Variants in CYSRT1 observed in about 807,000 individuals in gnomAD.
CYSRT1 encodes the protein cysteine rich tail 1.
A neutral mutation model predicts 6.2 loss-of-function variants in CYSRT1; 7 were observed. The observed-to-expected ratio is 1.13, with a 90% CI of 0.64 to 2.13. The LOEUF (loss-of-function observed/expected upper bound fraction) is 2.13, where lower values mean the gene tolerates loss of function less well. Among genes scored for constraint, CYSRT1 ranks in the 30% most tolerant of loss-of-function variants. The pLI is 0.00. For missense variants in CYSRT1, 188 were observed against 196.4 expected, an observed-to-expected ratio of 0.96 and a Z score of 0.26; for synonymous variants, 75 against 83.1, an observed-to-expected ratio of 0.90 and a Z score of 0.53.
Position 137,226,139 on chromosome 9 carries a change from G to T in CYSRT1, c.*83G>T, listed in dbSNP as rs1301626758. The T allele has an allele frequency of 1.2e-5, 18 of 1,494,080 alleles. No homozygotes were observed. Among genetic ancestry groups the T allele is most frequent in the Non-Finnish European group, 1.5e-5 (17 of 1,111,720 alleles). 92.6% of individuals were successfully genotyped at this position (1,494,080 alleles called of 1,614,324 possible). A position where few individuals can be genotyped will look rare whatever the true frequency, so the allele number is the denominator to read the frequency against. The stretch of plus-strand genomic sequence containing the variant: ...GCCGGGACATGCCGGGACATGCGGG[G>T]TGGCTGTTGTCATGGGCGTCTGCCC... On this transcript the variant is annotated 3_prime_UTR_variant, in exon 2 of 2. Coordinates refer to ENST00000650725, the MANE Select transcript of CYSRT1 (RefSeq NM_199001.5).
In CYSRT1 at chr9:137,226,110, C is replaced by A; in HGVS notation, c.*54C>A. 6.5e-7 allele frequency: 1 copy of A among 1,527,594 alleles called. No homozygotes were observed. Among genetic ancestry groups the A allele is most frequent in the Non-Finnish European group, 8.8e-7 (1 of 1,131,766 alleles). 94.6% of individuals were successfully genotyped at this position (1,527,594 alleles called of 1,614,324 possible). On this transcript the variant is annotated 3_prime_UTR_variant, in exon 2 of 2. Coordinates refer to ENST00000650725, the MANE Select transcript of CYSRT1 (RefSeq NM_199001.5). Reference sequence around the variant, plus strand: ...CAGACTTCAGCAAATGTGGCTCACACAGTGCCGGGACATGCCGGGACATGC... The same window carrying A: ...CAGACTTCAGCAAATGTGGCTCACAAAGTGCCGGGACATGCCGGGACATGC...
Position 137,225,744 on chromosome 9 carries a change from G to T in CYSRT1, c.123G>T (p.Glu41Asp), listed in dbSNP as rs776805165. The change falls in exon 2 of 2, where the codon GAG becomes GAT. Residue 41 changes from glutamate to aspartate, a missense_variant. Coordinates refer to ENST00000650725, the MANE Select transcript of CYSRT1 (RefSeq NM_199001.5). ...EVASTCSSSS[E>D]MQPLPVGPCA... The stretch of plus-strand genomic sequence containing the variant: ...CTTCCACCTGTTCCTCATCCTCGGA[G>T]ATGCAGCCCCTGCCAGTGGGGCCCT... 7 of 1,550,140 alleles carry T rather than the reference G, an allele frequency of 4.5e-6. No individual in the cohort carries two copies. Among genetic ancestry groups the T allele is most frequent in the Non-Finnish European group, 6.1e-6 (7 of 1,146,924 alleles).
rs1428798731 is a variant in CYSRT1 at position 137,225,711 on chromosome 9, A to G, written c.90A>G (p.Leu30=). The G allele has an allele frequency of 6.5e-7, 1 of 1,550,368 alleles. No homozygotes were observed. Among genetic ancestry groups the G allele is most frequent in the Admixed American group, 2.0e-5 (1 of 51,004 alleles). Reference sequence around the variant, plus strand: ...TGCGGCCTGACCTGGGGCAGCAGTTAGAGGTGGCTTCCACCTGTTCCTCAT... The same window carrying G: ...TGCGGCCTGACCTGGGGCAGCAGTTGGAGGTGGCTTCCACCTGTTCCTCAT... ...AHLRPDLGQQ[L]EVASTCSSSS... Residue 30 remains leucine (L), a synonymous_variant, in exon 2 of 2, where the codon TTA becomes TTG. Transcript: ENST00000650725.
intron 1 of CYSRT1, 81 bp downstream of exon 1, chr9:137,225,314 CCCGA>C: frequency 7.9e-7 from 1 of 1,271,554 alleles, no homozygotes; most frequent in South Asian, 1.3e-5. Context: ...TCTCAGCCTC[CCCGA>C]CCCCATTCCC....
chr9:137,225,529 G>A lies in CYSRT1; in HGVS notation c.-8-85G>A. On this transcript the variant is annotated intron_variant, in intron 1 of 1. Transcript: ENST00000650725. The stretch of plus-strand genomic sequence containing the variant: ...GCTTGGACGAGGCACGCTGCTCCTG[G>A]TGGGGGCTTTCCTGGGCCGCAGGCT... 2.7e-6 allele frequency: 4 copies of A among 1,462,836 alleles called. No individual in the cohort carries two copies. The South Asian group carries it at 5.7e-5, about 21-fold the overall frequency. 90.6% of individuals were successfully genotyped at this position (1,462,836 alleles called of 1,614,324 possible). A position where few individuals can be genotyped will look rare whatever the true frequency, so the allele number is the denominator to read the frequency against.
In CYSRT1 at chr9:137,225,747, G is replaced by A. The variant is rs1357390230; in HGVS notation, c.126G>A (p.Met42Ile). ...VASTCSSSSE[M>I]QPLPVGPCAP... is the part of the protein sequence containing the mutation. The stretch of plus-strand genomic sequence containing the variant: ...CCACCTGTTCCTCATCCTCGGAGAT[G>A]CAGCCCCTGCCAGTGGGGCCCTGTG... Residue 42 changes from methionine to isoleucine, a missense_variant, in exon 2 of 2, where the codon ATG becomes ATA. Coordinates refer to ENST00000650725, the MANE Select transcript of CYSRT1 (RefSeq NM_199001.5). The A allele has an allele frequency of 2.6e-6, 4 of 1,550,158 alleles. No individual in the cohort carries two copies. The highest frequency in any genetic ancestry group is 1.7e-4 in the Middle Eastern group (1 of 5,990).
rs558830386 is a variant in CYSRT1, at chr9:137,226,110, C to T, written c.*54C>T. On this transcript the variant is annotated 3_prime_UTR_variant, in exon 2 of 2. Transcript: ENST00000650725. ...CAGACTTCAGCAAATGTGGCTCACA[C>T]AGTGCCGGGACATGCCGGGACATGC... is the stretch of plus-strand genomic sequence containing the variant. The T allele has an allele frequency of 4.6e-5, 71 of 1,527,594 alleles. No individual in the cohort carries two copies. Among genetic ancestry groups the T allele is most frequent in the South Asian group, 2.3e-4 (19 of 82,272 alleles). The allele number at this position is 1,527,594 out of a possible 1,614,324, so 94.6% of individuals were successfully genotyped here.
In CYSRT1 at chr9:137,225,772, G is replaced by A; in HGVS notation, c.151G>A (p.Ala51Thr). Residue 51 changes from alanine to threonine, a missense_variant, in exon 2 of 2, where the codon GCC becomes ACC. Physicochemically the swap from Ala to Thr is moderately conservative, Grantham distance 58. Coordinates refer to ENST00000650725, the MANE Select transcript of CYSRT1 (RefSeq NM_199001.5). ...EMQPLPVGPC[A>T]PEPTHLLQPT... ...GCAGCCCCTGCCAGTGGGGCCCTGT[G>A]CCCCAGAGCCAACCCACCTCTTGCA... 2 of 1,549,928 alleles carry A rather than the reference G, an allele frequency of 1.3e-6. No individual in the cohort carries two copies. The highest frequency in any genetic ancestry group is 1.4e-5 in the African/African-American group (1 of 73,170).
rs1835975443 is a variant in CYSRT1 at position 137,226,283 on chromosome 9, G to A, written c.*227G>A. 3 of 752,588 alleles carry A rather than the reference G, an allele frequency of 4.0e-6. No homozygotes were observed. The highest frequency in any genetic ancestry group is 4.0e-4 in the Middle Eastern group (1 of 2,510). 46.6% of individuals were successfully genotyped at this position (752,588 alleles called of 1,614,324 possible). ...ACACCCCTGATTACCTTAAGGCCCA[G>A]GCAATAAAGCAGGGTGATCTTCCTC... On this transcript the variant is annotated 3_prime_UTR_variant, in exon 2 of 2. Transcript: ENST00000650725.
chr9:137,225,405 C>T (rs1261295327), intron 1 of CYSRT1, among the ~76,000 whole-genome samples, 172 bp downstream of exon 1: 1 of 152,266 alleles, frequency 6.6e-6, no homozygotes, highest in South Asian at 2.1e-4. Context: ...GACACCGGCC[C>T]TTGCTGCTTG....
chr9:137,225,784 A>T lies in CYSRT1; in HGVS notation c.163A>T (p.Thr55Ser). The T allele has an allele frequency of 6.5e-7, 1 of 1,549,916 alleles. No homozygotes were observed. The highest frequency in any genetic ancestry group is 8.7e-7 in the Non-Finnish European group (1 of 1,146,840). ...LPVGPCAPEP[T>S]HLLQPTEVPG... ...AGTGGGGCCCTGTGCCCCAGAGCCA[A>T]CCCACCTCTTGCAGCCGACCGAGGT... is the stretch of plus-strand genomic sequence containing the variant. Residue 55 changes from threonine (T) to serine (S), a missense_variant, in exon 2 of 2, where the codon ACC (threonine) becomes TCC (serine). Transcript: ENST00000650725.
At chr9:137,225,579 G>A (rs1835951745) in intron 1 of CYSRT1, 35 bp from the exon 2 acceptor site, 1 of 1,521,586 alleles carries the variant, frequency 6.6e-7, no homozygotes. Context: ...CCACTCCACT[G>A]AGTTCATGTC....
chr9:137,225,811 C>G lies in CYSRT1; in HGVS notation c.190C>G (p.Pro64Ala), dbSNP rs1045565163. The G allele has an allele frequency of 1.3e-6, 2 of 1,549,208 alleles. No homozygotes were observed. Among genetic ancestry groups the G allele is most frequent in the African/African-American group, 2.7e-5 (2 of 73,054 alleles). Residue 64 changes from proline (P) to alanine (A), a missense_variant, in exon 2 of 2, where the codon CCA becomes GCA. Pro to Ala is a conservative substitution (Grantham distance 27, BLOSUM62 -1). Transcript: ENST00000650725. ...PTHLLQPTEV[P>A]GPKGAKGNQG... ...CCACCTCTTGCAGCCGACCGAGGTCCCAGGGCCCAAGGGCGCCAAGGGTAA... is the reference window on the plus strand; with the variant it reads ...CCACCTCTTGCAGCCGACCGAGGTCGCAGGGCCCAAGGGCGCCAAGGGTAA...
In CYSRT1 at chr9:137,225,190, A is replaced by C. The variant is rs1835943158; in HGVS notation, c.-52A>C. On this transcript the variant is annotated 5_prime_UTR_variant, in exon 1 of 2. Transcript: ENST00000650725. Reference sequence around the variant, plus strand: ...GCTCAACTCAGGCACTGGGACCTAGAGCTCAGAAGACCGAGAGGACAGACT... The same window carrying C: ...GCTCAACTCAGGCACTGGGACCTAGCGCTCAGAAGACCGAGAGGACAGACT... 1 of 1,550,284 alleles carries C rather than the reference A, an allele frequency of 6.5e-7. No individual in the cohort carries two copies. The highest frequency in any genetic ancestry group is 2.0e-5 in the Admixed American group (1 of 50,984).
In CYSRT1 at chr9:137,226,094, G is replaced by A. The variant is rs756167981; in HGVS notation, c.*38G>A. ...TGCCAGGGCCAGGACCCAGACTTCA[G>A]CAAATGTGGCTCACACAGTGCCGGG... On this transcript the variant is annotated 3_prime_UTR_variant, in exon 2 of 2. Coordinates refer to ENST00000650725, the MANE Select transcript of CYSRT1 (RefSeq NM_199001.5). 1 of 1,533,970 alleles carries A rather than the reference G, an allele frequency of 6.5e-7. No homozygotes were observed. The highest frequency in any genetic ancestry group is 1.2e-5 in the South Asian group (1 of 83,200).
chr9:137,225,831 G>C lies in CYSRT1; in HGVS notation c.210G>C (p.Lys70Asn), dbSNP rs1260894723. The change falls in exon 2 of 2, where the codon AAG becomes AAC. Residue 70 changes from lysine to asparagine, a missense_variant. Lys to Asn is a moderately conservative substitution (Grantham distance 94). Transcript: ENST00000650725. Reference sequence around the variant, plus strand: ...AGGTCCCAGGGCCCAAGGGCGCCAAGGGTAACCAGGGGGCTGCCCCCATCC... The same window carrying C: ...AGGTCCCAGGGCCCAAGGGCGCCAACGGTAACCAGGGGGCTGCCCCCATCC... ...PTEVPGPKGAKGNQGAAPIQN... is the reference protein window; with the variant it reads ...PTEVPGPKGANGNQGAAPIQN... 1.3e-6 allele frequency: 2 copies of C among 1,548,022 alleles called. No homozygotes were observed. Among genetic ancestry groups the C allele is most frequent in the Admixed American group, 3.9e-5 (2 of 50,988 alleles).
At position 137,225,897 on chromosome 9, in the gene CYSRT1, C is replaced by T; in HGVS notation, c.276C>T (p.Ser92=). 6.5e-7 allele frequency: 1 copy of T among 1,545,610 alleles called. No homozygotes were observed. The highest frequency in any genetic ancestry group is 8.7e-7 in the Non-Finnish European group (1 of 1,146,770). Residue 92 remains serine, a synonymous_variant, in exon 2 of 2, where the codon AGC becomes AGT. Transcript: ENST00000650725. ...QAWQQPGNPY[S]SSQRQAGLTY... is the part of the protein sequence containing the mutation. Reference sequence around the variant, plus strand: ...GGCAGCAGCCTGGCAACCCCTACAGCAGCAGTCAGCGCCAGGCCGGACTGA... The same window carrying T: ...GGCAGCAGCCTGGCAACCCCTACAGTAGCAGTCAGCGCCAGGCCGGACTGA...
chr9:137,225,587 G>T, intron 1 of CYSRT1, 27 bp from the exon 2 acceptor site: 1 of 1,536,504 alleles, frequency 6.5e-7, no homozygotes, highest in Admixed American at 2.0e-5. Flanking sequence ...CTGAGTTCAT[G>T]TCTGTCTTCT....
chr9:137,225,247 C>T lies in CYSRT1; in HGVS notation c.-9+14C>T. 7 of 1,538,514 alleles carry T rather than the reference C, an allele frequency of 4.5e-6. No homozygotes were observed. The highest frequency in any genetic ancestry group is 3.6e-5 in the South Asian group (3 of 83,866). On this transcript the variant is annotated intron_variant, in intron 1 of 1. Coordinates refer to ENST00000650725, the MANE Select transcript of CYSRT1 (RefSeq NM_199001.5). ...TTGCCACCACAGGTAAGCCCTTGGC[C>T]GCCGGGACTGCCCTGAACTCAGGGG...
Sources: gnomAD v4.1 joint callset for allele counts (sites outside exome capture counted in the v4.1 genomes callset) on GRCh38, gnomAD v4.1.1 for gene constraint, MANE v1.5 for transcripts, NCBI Gene and HGNC (gene_info 2026-07-23, HGNC 2026-07-21) for gene names.